MKLN1: variants seen among roughly 807,000 people sequenced by gnomAD.
MKLN1 encodes the protein muskelin.
MKLN1 carries 18 observed loss-of-function variants against 99.0 expected under a neutral mutation model. That is an observed-to-expected ratio of 0.18 (90% confidence interval 0.13 to 0.27). MKLN1 has a LOEUF of 0.27. Ranked by LOEUF, MKLN1 falls within the 10% of genes least tolerant of loss-of-function variation. MKLN1 has a pLI of 1.00. For synonymous variants in MKLN1, 288 were observed against 293.2 expected (o/e 0.98, Z 0.18); for missense variants, 621 against 875.9 (o/e 0.71, Z 3.67).
At chr7:131,189,767 G>T (rs1796507646) in intron 2 of MKLN1, among the ~76,000 whole-genome samples, 1 of 152,170 alleles carries the variant, frequency 6.6e-6, no homozygotes. Flanking sequence ...CGTTGACTCA[G>T]ACATCAGGAC....
At chr7:131,356,062 A>ATTT (rs375785189) in intron 1 of MKLN1, among the ~76,000 whole-genome samples, 2 of 116,172 alleles carry the variant, frequency 1.7e-5, no homozygotes, top group Admixed American at 8.8e-5. Flanking sequence ...TAGTTCCCCT[A>ATTT]TTTTTTTTTT....
At chr7:131,452,981 A>G (rs1432270214) in intron 12 of MKLN1, among the ~76,000 whole-genome samples, 1 of 152,204 alleles carries the variant, frequency 6.6e-6, no homozygotes, top group Non-Finnish European at 1.5e-5. Flanking sequence ...CTTATTTTCA[A>G]CATAATTAGG....
At chr7:131,388,160 C>CT (rs1402579586) in intron 3 of MKLN1, among the ~76,000 whole-genome samples, 2 of 152,148 alleles carry the variant, frequency 1.3e-5, no homozygotes, top group Non-Finnish European at 2.9e-5. Flanking sequence ...CAGTGAGACT[C>CT]TGTCTCAAAA....
rs543639956 is a variant in MKLN1, at chr7:131,182,143, A to C, written c.-296-20714A>C. Among the ~76,000 whole-genome samples the C allele has an allele frequency of 7.4e-4, 113 of 152,256 alleles. 1 individual carries two copies. Among genetic ancestry groups the C allele is most frequent in the African/African-American group, 2.4e-3 (98 of 41,562 alleles). On this transcript the variant is annotated intron_variant, in intron 2 of 7. Coordinates refer to the MKLN1 transcript ENST00000416992. ...AGTGAAACTCCATCTCCAAAAAAAA[A>C]CCCATCATAAATATGTTCATCAATA...
At chr7:131,167,182 T>C (rs953078398) in intron 2 of MKLN1, among the ~76,000 whole-genome samples, 1 of 152,092 alleles carries the variant, frequency 6.6e-6, no homozygotes, top group Admixed American at 6.6e-5. Flanking sequence ...AATGAAATGA[T>C]CCACTGTTTT....
At chr7:131,304,833 T>C (rs1004517526) in intron 3 of MKLN1, among the ~76,000 whole-genome samples, 1 of 152,198 alleles carries the variant, frequency 6.6e-6, no homozygotes, top group African/African-American at 2.4e-5. Flanking sequence ...CCCTCCAAAA[T>C]TGATCTTGAA....
At chr7:131,435,102 C>T (rs1795638223) in intron 9 of MKLN1, among the ~76,000 whole-genome samples, 1 of 152,156 alleles carries the variant, frequency 6.6e-6, no homozygotes, top group Non-Finnish European at 1.5e-5. Context: ...GCTCTTTTTA[C>T]ATATGTATTG....
chr7:131,477,249 T>C (rs1796992711), intron 16 of MKLN1, among the ~76,000 whole-genome samples: 1 of 152,024 alleles, frequency 6.6e-6, no homozygotes, highest in African/African-American at 2.4e-5. Context: ...TAAAGGACTT[T>C]TAAAAACATA....
chr7:131,177,030 C>T (rs1013559192), intron 2 of MKLN1, among the ~76,000 whole-genome samples: 6 of 152,174 alleles, frequency 3.9e-5, no homozygotes, highest in African/African-American at 1.2e-4. Context: ...TCCAAAGAAA[C>T]AAAGCCCAGA....
In MKLN1 at chr7:131,298,140, A is replaced by G. The variant is rs535141995; in HGVS notation, c.-178-77284A>G. Among the ~76,000 whole-genome samples, 4 of 152,110 alleles carry G rather than the reference A, an allele frequency of 2.6e-5. No individual in the cohort carries two copies. In the South Asian group the frequency reaches 6.2e-4, roughly 24 times the overall value. The stretch of plus-strand genomic sequence containing the variant: ...CAAAAAATTAGCCGGGCGCGGTGGC[A>G]GGCGCCTGTAGTCCCAGATACTCGG... On this transcript the variant is annotated intron_variant, in intron 3 of 7. Transcript: ENST00000416992.
intron 3 of MKLN1, among the ~76,000 whole-genome samples, chr7:131,288,743 C>T (rs998187064): frequency 6.6e-6 from 1 of 152,200 alleles, no homozygotes; most frequent in Non-Finnish European, 1.5e-5. Context: ...TGACTCTCCA[C>T]TGCCCTTGCT....
intron 7 of MKLN1, 74 bp downstream of exon 7, chr7:131,411,457 G>A (rs1416107467): frequency 1.0e-5 from 10 of 971,634 alleles, no homozygotes; most frequent in Non-Finnish European, 1.7e-5. Flanking sequence ...GGTAGTTCAA[G>A]TATCATAGTA....
chr7:131,372,303 T>G (rs1009260901), intron 1 of MKLN1, among the ~76,000 whole-genome samples: 26 of 152,220 alleles, frequency 1.7e-4, no homozygotes, highest in Non-Finnish European at 2.9e-4. Context: ...ATCTTCAATC[T>G]TCTGTGTTTT....
At chr7:131,174,882 T>G (rs532535588) in intron 2 of MKLN1, among the ~76,000 whole-genome samples, 1 of 152,242 alleles carries the variant, frequency 6.6e-6, no homozygotes, top group African/African-American at 2.4e-5. Context: ...AGACTAAGTT[T>G]CCAGTACAAT....
Position 131,488,839 on chromosome 7 carries a change from T to C in MKLN1, c.*1111T>C, listed in dbSNP as rs1247563312. 1 of 152,166 alleles carries C rather than the reference T, an allele frequency of 6.6e-6. No individual in the cohort carries two copies. Among genetic ancestry groups the C allele is most frequent in the African/African-American group, 2.4e-5 (1 of 41,452 alleles). 9.4% of individuals were successfully genotyped at this position (152,166 alleles called of 1,614,324 possible). A position where few individuals can be genotyped will look rare whatever the true frequency, so the allele number is the denominator to read the frequency against. ...AAGCACATAGACCAGACTTTGTGAA[T>C]GGTTCAGATATTTTTTCATTAAAAA... On this transcript the variant is annotated 3_prime_UTR_variant, in exon 18 of 18. Coordinates refer to ENST00000352689, the MANE Select transcript of MKLN1 (RefSeq NM_013255.5).
At chr7:131,179,139 A>G (rs1340833671) in intron 2 of MKLN1, among the ~76,000 whole-genome samples, 1 of 152,244 alleles carries the variant, frequency 6.6e-6, no homozygotes, top group Non-Finnish European at 1.5e-5. Flanking sequence ...ATGTTGAAGA[A>G]GAAATACAAT....
At chr7:131,275,553 A>T (rs1314004731) in intron 3 of MKLN1, among the ~76,000 whole-genome samples, 1 of 14,882 alleles carries the variant, frequency 6.7e-5, no homozygotes, top group Non-Finnish European at 1.2e-4. Flanking sequence ...ATATATATAT[A>T]TATATATATA....
chr7:131,187,909 T>C (rs1289614880), intron 2 of MKLN1, among the ~76,000 whole-genome samples: 2 of 151,976 alleles, frequency 1.3e-5, no homozygotes, highest in African/African-American at 2.4e-5. Context: ...TGAGCTGAGA[T>C]TGTGCCACTG....
At chr7:131,413,206 A>G (rs1794928451) in intron 7 of MKLN1, among the ~76,000 whole-genome samples, 1 of 152,220 alleles carries the variant, frequency 6.6e-6, no homozygotes, top group East Asian at 1.9e-4. Flanking sequence ...TAAATTGCAC[A>G]ATCTAAAGGC....
Sources: gnomAD v4.1 joint callset for allele counts (sites outside exome capture counted in the v4.1 genomes callset) on GRCh38, gnomAD v4.1.1 for gene constraint, MANE v1.5 for transcripts, NCBI Gene and HGNC (gene_info 2026-07-23, HGNC 2026-07-21) for gene names.